Variants in MARK1 observed in about 807,000 individuals in gnomAD.
MARK1 encodes microtubule affinity regulating kinase 1.
MARK1 carries 40 observed loss-of-function variants against 96.3 expected under a neutral mutation model. That is an observed-to-expected ratio of 0.42 (90% CI 0.32 to 0.54). The LOEUF (loss-of-function observed/expected upper bound fraction) is 0.54, where lower values mean the gene tolerates loss of function less well. Ranked by LOEUF, MARK1 falls within the 20% of genes least tolerant of loss-of-function variation. The pLI, the probability that MARK1 is intolerant of heterozygous loss-of-function variation, is 0.16. For missense variants in MARK1, 719 were observed against 984.6 expected (o/e 0.73, Z 3.61); for synonymous variants, 317 against 341.2 (o/e 0.93, Z 0.78).
intron 3 of MARK1, among the ~76,000 whole-genome samples, chr1:220,591,215 A>G (rs1441860586): frequency 6.6e-6 from 1 of 152,200 alleles, no homozygotes; most frequent in Non-Finnish European, 1.5e-5. Context: ...AAATAAAAAA[A>G]CACCCCAATA....
chr1:220,553,702 T>A (rs1224730391), intron 1 of MARK1, among the ~76,000 whole-genome samples: 1 of 152,196 alleles, frequency 6.6e-6, no homozygotes, highest in African/African-American at 2.4e-5. Context: ...GCTCAGTGTT[T>A]ACTAGAGTTC....
intron 5 of MARK1, among the ~76,000 whole-genome samples, chr1:220,603,835 T>C (rs948387798): frequency 1.2e-4 from 19 of 152,216 alleles, no homozygotes; most frequent in African/African-American, 4.6e-4. Flanking sequence ...GTTGTGTTTT[T>C]ATGACTTATT....
intron 1 of MARK1, among the ~76,000 whole-genome samples, chr1:220,572,675 A>G (rs1242132511): frequency 6.6e-6 from 1 of 152,162 alleles, no homozygotes; most frequent in Non-Finnish European, 1.5e-5. Context: ...TTTGCTTTGA[A>G]CAGTCATATG....
chr1:220,605,158 G>T (rs1466060567), intron 6 of MARK1, among the ~76,000 whole-genome samples: 3 of 152,160 alleles, frequency 2.0e-5, no homozygotes, highest in Non-Finnish European at 4.4e-5. Flanking sequence ...TTGTAACATG[G>T]CATTCTCCAA....
chr1:220,638,848 T>C (rs562669627), intron 13 of MARK1, among the ~76,000 whole-genome samples: 1 of 152,312 alleles, frequency 6.6e-6, no homozygotes, highest in African/African-American at 2.4e-5. Context: ...AAAGTAAAAT[T>C]AATCATCTCC....
At position 220,653,100 on chromosome 1, in the gene MARK1, G is replaced by A. The variant is rs1668971831; in HGVS notation, c.1737-1G>A. ...TGATATATCTTAATTTGTCCCAGCAGTACAACCCAGAGAGTGCCTGCTGCT... is the reference window on the plus strand; with the variant it reads ...TGATATATCTTAATTTGTCCCAGCAATACAACCCAGAGAGTGCCTGCTGCT... On this transcript the variant is annotated splice_acceptor_variant, in intron 15 of 17. Transcript: ENST00000366917. LOFTEE classifies it high-confidence loss of function. 1 of 1,614,126 alleles carries A rather than the reference G, an allele frequency of 6.2e-7. No homozygotes were observed. Among genetic ancestry groups the A allele is most frequent in the African/African-American group, 1.3e-5 (1 of 75,040 alleles).
intron 6 of MARK1, among the ~76,000 whole-genome samples, chr1:220,611,546 C>T (rs988302668): frequency 2.0e-5 from 3 of 152,004 alleles, no homozygotes; most frequent in Non-Finnish European, 4.4e-5. Flanking sequence ...TGCTTCAGCT[C>T]GCCCTCCGTG....
intron 1 of MARK1, among the ~76,000 whole-genome samples, chr1:220,542,438 C>T (rs994270913): frequency 6.6e-6 from 1 of 152,072 alleles, no homozygotes; most frequent in African/African-American, 2.4e-5. Flanking sequence ...ATTGAATGTG[C>T]TGGTATTTGA....
At chr1:220,612,052 T>A (rs547080952) in intron 6 of MARK1, among the ~76,000 whole-genome samples, 118 of 152,322 alleles carry the variant, frequency 7.7e-4, no homozygotes, top group Non-Finnish European at 1.2e-3. Context: ...GTTTTAAGTA[T>A]TATTCATTTA....
At chr1:220,557,255 T>C (rs1183119490) in intron 1 of MARK1, among the ~76,000 whole-genome samples, 1 of 152,228 alleles carries the variant, frequency 6.6e-6, no homozygotes, top group Non-Finnish European at 1.5e-5. Context: ...CATGTTATCT[T>C]CTTAACTAAA....
intron 4 of MARK1, among the ~76,000 whole-genome samples, chr1:220,598,690 A>T (rs941853911): frequency 1.3e-5 from 2 of 151,872 alleles, no homozygotes; most frequent in Non-Finnish European, 2.9e-5. Flanking sequence ...ATGTTTCTAA[A>T]TTTAAAAAAA....
At chr1:220,601,751 G>C (rs987925933) in intron 5 of MARK1, among the ~76,000 whole-genome samples, 5 of 152,146 alleles carry the variant, frequency 3.3e-5, no homozygotes, top group African/African-American at 1.2e-4. Flanking sequence ...TTAATGGTAA[G>C]TACAGTCAAC....
chr1:220,566,824 G>A (rs894734701), intron 1 of MARK1, among the ~76,000 whole-genome samples: 2 of 152,096 alleles, frequency 1.3e-5, no homozygotes, highest in African/African-American at 4.8e-5. Flanking sequence ...AACATCTTCT[G>A]TGTTGAATGC....
chr1:220,643,456 G>C (rs1440920695), intron 13 of MARK1, among the ~76,000 whole-genome samples: 1 of 152,100 alleles, frequency 6.6e-6, no homozygotes, highest in Admixed American at 6.5e-5. Flanking sequence ...ACTGATTGGA[G>C]TACTTAAAAG....
chr1:220,563,595 C>T (rs1662830659), intron 1 of MARK1, among the ~76,000 whole-genome samples: 1 of 152,134 alleles, frequency 6.6e-6, no homozygotes, highest in Admixed American at 6.5e-5. Context: ...GAGAAACTGG[C>T]AGGAGGCATT....
At position 220,618,620 on chromosome 1, in the gene MARK1, T is replaced by C. The variant is rs374825608; in HGVS notation, c.790-16T>C. The C allele has an allele frequency of 6.2e-7, 1 of 1,613,678 alleles. No individual in the cohort carries two copies. Among genetic ancestry groups the C allele is most frequent in the South Asian group, 1.1e-5 (1 of 90,860 alleles). ...TCAAAAACCAGTTATAAGTGCTTTC[T>C]TTCACTTTTATTAAGGAACTGCGAG... On this transcript the variant is annotated splice_polypyrimidine_tract_variant and intron_variant, in intron 8 of 17. Coordinates refer to ENST00000366917, the MANE Select transcript of MARK1 (RefSeq NM_018650.5). This position sits in a 1 kb window ranked among gnomAD's most constrained non-coding sequence, Gnocchi z 4.6.
intron 9 of MARK1, 146 bp from the exon 10 acceptor site, chr1:220,630,889 C>A: frequency 3.3e-6 from 2 of 602,384 alleles, no homozygotes; most frequent in South Asian, 4.1e-5. Flanking sequence ...CAAAGTCTTA[C>A]ACCTCTTTTT....
chr1:220,592,550 C>T (rs1478308094), intron 3 of MARK1, among the ~76,000 whole-genome samples: 1 of 152,108 alleles, frequency 6.6e-6, no homozygotes, highest in African/African-American at 2.4e-5. Context: ...TGCAGCCTTA[C>T]GAGACCTGAG....
At chr1:220,607,778 A>T (rs1666174336) in intron 6 of MARK1, among the ~76,000 whole-genome samples, 1 of 152,118 alleles carries the variant, frequency 6.6e-6, no homozygotes, top group Admixed American at 6.5e-5. Context: ...GGGCTGTTGA[A>T]TTTTGTCAAA....
Sources: gnomAD v4.1 joint callset for allele counts (sites outside exome capture counted in the v4.1 genomes callset) on GRCh38, gnomAD v4.1.1 for gene constraint, Gnocchi (gnomAD v3.1) non-coding constraint, MANE v1.5 for transcripts, NCBI Gene and HGNC (gene_info 2026-07-23, HGNC 2026-07-21) for gene names.